The following GREB1 variants were observed in gnomAD, a reference collection of about 807,000 sequenced individuals.
GREB1 encodes the protein growth regulating estrogen receptor binding 1.
In GREB1, 106 loss-of-function variants were observed where a neutral mutation model predicts 200.7. The ratio of observed to expected loss-of-function variants is 0.53; its 90% confidence interval spans 0.45 to 0.62. The LOEUF is 0.62. Among genes scored for constraint, GREB1 ranks in the 20% least tolerant of loss-of-function variants. GREB1 has a pLI of 0.00. For missense variants in GREB1, 2,243 were observed against 2,556.8 expected (o/e 0.88, Z 2.65); for synonymous variants, 1,132 against 1,092.4 (o/e 1.04, Z -0.72).
intron 25 of GREB1, among the ~76,000 whole-genome samples, chr2:11,627,834 C>G (rs756510141): frequency 1.3e-5 from 2 of 152,160 alleles, no homozygotes; most frequent in Non-Finnish European, 2.9e-5. Context: ...TTCATTGTCC[C>G]TGTTTTATAA....
At chr2:11,574,302 A>G (rs1290194588) in intron 4 of GREB1, among the ~76,000 whole-genome samples, 2 of 152,258 alleles carry the variant, frequency 1.3e-5, no homozygotes, top group South Asian at 2.1e-4. Context: ...ATGATGGGAA[A>G]AAGACACAAA....
chr2:11,610,273 AT>A (rs1682799736), intron 17 of GREB1, among the ~76,000 whole-genome samples: 1 of 152,212 alleles, frequency 6.6e-6, no homozygotes, highest in South Asian at 2.1e-4. Flanking sequence ...GCATTTCCAT[AT>A]TGATTGCTGG....
At chr2:11,508,641 T>G (rs1056235839) in intron 1 of GREB1, among the ~76,000 whole-genome samples, 5 of 152,214 alleles carry the variant, frequency 3.3e-5, no homozygotes, top group African/African-American at 9.7e-5. Flanking sequence ...TACACTTGTA[T>G]TTAGAATGAA....
intron 4 of GREB1, among the ~76,000 whole-genome samples, chr2:11,567,913 G>T (rs769233512): frequency 1.7e-4 from 26 of 152,150 alleles, no homozygotes; most frequent in Non-Finnish European, 3.2e-4. Context: ...CCATGAAGCG[G>T]GGAGGTGACT....
At chr2:11,573,560 G>A (rs1160216950) in intron 4 of GREB1, among the ~76,000 whole-genome samples, 1 of 152,150 alleles carries the variant, frequency 6.6e-6, no homozygotes, top group Non-Finnish European at 1.5e-5. Flanking sequence ...CTTCTTGGAG[G>A]GTTGGCATTT....
chr2:11,549,387 G>A (rs568227049), intron 1 of GREB1, among the ~76,000 whole-genome samples: 8 of 151,604 alleles, frequency 5.3e-5, no homozygotes, highest in South Asian at 2.1e-4. Flanking sequence ...ACTTTAAGAC[G>A]AAAAAAAAGA....
intron 1 of GREB1, among the ~76,000 whole-genome samples, chr2:11,511,215 A>G (rs1319458360): frequency 6.6e-6 from 1 of 151,880 alleles, no homozygotes; most frequent in Admixed American, 6.6e-5. Flanking sequence ...TGAAAAGATC[A>G]CTCTGTCCAT....
intron 1 of GREB1, among the ~76,000 whole-genome samples, chr2:11,528,312 C>T (rs1229085509): frequency 6.6e-6 from 1 of 152,172 alleles, no homozygotes; most frequent in Non-Finnish European, 1.5e-5. Flanking sequence ...CAAATCTATC[C>T]ATACAAGGCA....
chr2:11,570,544 T>C lies in GREB1; in HGVS notation c.454+3888T>C, dbSNP rs1421314657. On this transcript the variant is annotated intron_variant, in intron 4 of 32. Coordinates refer to ENST00000381486, the MANE Select transcript of GREB1 (RefSeq NM_014668.4). The stretch of plus-strand genomic sequence containing the variant: ...TATACTTTTTTTTTTTTAAAGCAAT[T>C]GGTGCATTTGTATCAAGATCCAGAC... 2.0e-5 allele frequency among the ~76,000 whole-genome samples: 3 copies of C among 151,858 alleles called. No individual in the cohort carries two copies. In the East Asian group the frequency reaches 5.8e-4, roughly 29 times the overall value.
intron 32 of GREB1, among the ~76,000 whole-genome samples, chr2:11,639,447 C>T (rs1329760342): frequency 6.6e-6 from 1 of 152,234 alleles, no homozygotes; most frequent in Non-Finnish European, 1.5e-5. Context: ...TGCTGACACT[C>T]TTCCTCCTGG....
chr2:11,608,399 C>T (rs1031947731), intron 17 of GREB1, among the ~76,000 whole-genome samples: 3 of 152,144 alleles, frequency 2.0e-5, no homozygotes, highest in African/African-American at 7.2e-5. Context: ...TGGTTCCCCC[C>T]CTTTATTATG....
chr2:11,632,073 C>T lies in GREB1; in HGVS notation c.4776C>T (p.Ile1592=), dbSNP rs1684921517. Residue 1592 remains isoleucine, a synonymous_variant, in exon 27 of 33, where the codon ATC becomes ATT. Coordinates refer to ENST00000381486, the MANE Select transcript of GREB1 (RefSeq NM_014668.4). ...AIYKKYWPNH[I]MLVLPSIFNS... The stretch of plus-strand genomic sequence containing the variant: ...ATAAGAAATATTGGCCCAACCACAT[C>T]ATGCTGGTGCTCCCCAGTATCTTCA... 6.2e-7 allele frequency: 1 copy of T among 1,614,062 alleles called. No homozygotes were observed. The highest frequency in any genetic ancestry group is 8.5e-7 in the Non-Finnish European group (1 of 1,179,916).
chr2:11,506,037 G>A (rs185362167), intron 1 of GREB1, among the ~76,000 whole-genome samples: 3 of 152,298 alleles, frequency 2.0e-5, no homozygotes, highest in Admixed American at 2.0e-4. Context: ...GAGCGACAGG[G>A]CTGGGTATCA....
At chr2:11,537,046 T>G (rs188518093) in intron 1 of GREB1, among the ~76,000 whole-genome samples, 1 of 152,262 alleles carries the variant, frequency 6.6e-6, no homozygotes, top group Admixed American at 6.5e-5. Flanking sequence ...CATTGCAACC[T>G]CCTCCTCCTG....
rs939314096 is a variant in GREB1 at position 11,566,763 on chromosome 2, C to T, written c.454+107C>T. 4 of 975,786 alleles carry T rather than the reference C, an allele frequency of 4.1e-6. No individual in the cohort carries two copies. The African/African-American group carries it at 4.9e-5, about 12-fold the overall frequency. The allele number at this position is 975,786 out of a possible 1,614,324, so 60.4% of individuals were successfully genotyped here. A position where few individuals can be genotyped will look rare whatever the true frequency, so the allele number is the denominator to read the frequency against. On this transcript the variant is annotated intron_variant, in intron 4 of 32. Transcript: ENST00000381486. The stretch of plus-strand genomic sequence containing the variant: ...GGCAACAGAGGGACCATCTTTGGGA[C>T]CCCAGGCGCAGCATGCAGCCCTGTT...
At chr2:11,539,775 G>C (rs1674587208) in intron 1 of GREB1, 1 of 150,156 alleles carries the variant, frequency 6.7e-6, no homozygotes, top group Non-Finnish European at 1.5e-5. Flanking sequence ...TGAAGCTCCA[G>C]TTGGAAGGGC....
chr2:11,553,246 C>T (rs1676106356), intron 1 of GREB1, among the ~76,000 whole-genome samples: 3 of 152,080 alleles, frequency 2.0e-5, no homozygotes, highest in Non-Finnish European at 1.5e-5. Context: ...GGCATGGTGG[C>T]TCATGCCTGT....
intron 29 of GREB1, 21 bp from the exon 30 acceptor site, chr2:11,635,249 C>T (rs145197482): frequency 2.5e-6 from 4 of 1,613,940 alleles, no homozygotes; most frequent in Non-Finnish European, 2.5e-6. Flanking sequence ...TCAGACCCAC[C>T]CCTCCTCTGG....
intron 6 of GREB1, among the ~76,000 whole-genome samples, chr2:11,579,010 T>C (rs1679187264): frequency 6.6e-6 from 1 of 152,154 alleles, no homozygotes; most frequent in African/African-American, 2.4e-5. Context: ...CACTTCACCA[T>C]GTTGCACAGA....
Sources: gnomAD v4.1 joint callset for allele counts (sites outside exome capture counted in the v4.1 genomes callset) on GRCh38, gnomAD v4.1.1 for gene constraint, MANE v1.5 for transcripts, NCBI Gene and HGNC (gene_info 2026-07-23, HGNC 2026-07-21) for gene names.